The following RAPGEF4 variants were observed in gnomAD, a reference collection of about 807,000 sequenced individuals.
RAPGEF4 encodes the protein Rap guanine nucleotide exchange factor 4.
Under a neutral mutation model 147.9 loss-of-function variants are expected in RAPGEF4, and 66 were observed. The observed-to-expected ratio is 0.45, with a 90% CI of 0.37 to 0.55. RAPGEF4 has a LOEUF of 0.55. Among genes scored for constraint, RAPGEF4 ranks in the 20% least tolerant of loss-of-function variants. The pLI is 0.00. For missense variants in RAPGEF4, 1,071 were observed against 1,257.3 expected (o/e 0.85, Z 2.24); for synonymous variants, 419 against 442.7 (o/e 0.95, Z 0.67).
intron 4 of RAPGEF4, among the ~76,000 whole-genome samples, chr2:172,856,639 A>G (rs759077140): frequency 6.6e-6 from 1 of 152,192 alleles, no homozygotes; most frequent in Non-Finnish European, 1.5e-5. Context: ...AGCAGCAGAC[A>G]TCTCTGTTCA....
intron 6 of RAPGEF4, among the ~76,000 whole-genome samples, chr2:172,935,417 G>A (rs919889303): frequency 4.6e-5 from 7 of 152,152 alleles, no homozygotes; most frequent in African/African-American, 1.4e-4. Context: ...GGGATACACA[G>A]CTCTGTTGAT....
At chr2:173,011,697 C>T (rs576670732) in intron 17 of RAPGEF4, among the ~76,000 whole-genome samples, 5 of 152,130 alleles carry the variant, frequency 3.3e-5, no homozygotes, top group South Asian at 4.2e-4. Flanking sequence ...TCAAAGTAGT[C>T]GGTTAATTAA....
chr2:172,844,111 G>A (rs1257541540), intron 4 of RAPGEF4, among the ~76,000 whole-genome samples: 2 of 152,186 alleles, frequency 1.3e-5, no homozygotes, highest in Admixed American at 6.5e-5. Flanking sequence ...CTCCACATTA[G>A]GCTGTATTTT....
At chr2:172,897,724 G>A (rs1449065242) in intron 4 of RAPGEF4, among the ~76,000 whole-genome samples, 1 of 16,612 alleles carries the variant, frequency 6.0e-5, no homozygotes, top group African/African-American at 2.1e-4. Context: ...TTGAATGGGA[G>A]TTTTCATCTA....
At chr2:172,788,539 G>C (rs1030088726) in intron 1 of RAPGEF4, among the ~76,000 whole-genome samples, 1 of 152,110 alleles carries the variant, frequency 6.6e-6, no homozygotes, top group Non-Finnish European at 1.5e-5. Context: ...CATGTGGCAG[G>C]AGTCTAGGCA....
intron 4 of RAPGEF4, among the ~76,000 whole-genome samples, chr2:172,819,606 C>T (rs1688865200): frequency 6.7e-6 from 1 of 149,658 alleles, no homozygotes; most frequent in Admixed American, 6.6e-5. Flanking sequence ...GCTGGGACTA[C>T]AGGCGCCCGC....
chr2:173,011,647 T>G (rs372330560), intron 17 of RAPGEF4, among the ~76,000 whole-genome samples: 3 of 152,174 alleles, frequency 2.0e-5, no homozygotes, highest in East Asian at 3.9e-4. Flanking sequence ...TGAATAGGAC[T>G]GTGCCCATTG....
intron 23 of RAPGEF4, among the ~76,000 whole-genome samples, chr2:173,023,991 C>G (rs973571866): frequency 6.6e-6 from 1 of 152,188 alleles, no homozygotes; most frequent in Non-Finnish European, 1.5e-5. Flanking sequence ...TACCTAGGAC[C>G]TACCCTGGTT....
chr2:172,875,470 A>G (rs930863684), intron 4 of RAPGEF4, among the ~76,000 whole-genome samples: 6 of 152,162 alleles, frequency 3.9e-5, no homozygotes, highest in African/African-American at 1.4e-4. Context: ...ACATATGGCT[A>G]GCCAGTTTTC....
In RAPGEF4 at chr2:172,985,391, TG is replaced by T. The variant is rs771553806; in HGVS notation, c.1090-40del. ...AGTACAACCCTTTTCCACCCAGACCTGGAAATGTGGCCTTTGCATGTTTCTT... is the reference window on the plus strand; with the variant it reads ...AGTACAACCCTTTTCCACCCAGACCTGAAATGTGGCCTTTGCATGTTTCTT... On this transcript the variant is annotated intron_variant, in intron 11 of 30. Transcript: ENST00000397081. The T allele has an allele frequency of 4.2e-5, 68 of 1,613,638 alleles. 2 individuals carry two copies. The South Asian group carries it at 7.0e-4, about 17-fold the overall frequency.
At chr2:173,002,812 T>A (rs1253505907) in intron 17 of RAPGEF4, among the ~76,000 whole-genome samples, 1 of 152,162 alleles carries the variant, frequency 6.6e-6, no homozygotes, top group Non-Finnish European at 1.5e-5. Context: ...TGTGTGTTTA[T>A]TTGCCTGGAA....
At chr2:172,952,052 T>G (rs1302534904) in intron 6 of RAPGEF4, among the ~76,000 whole-genome samples, 1 of 152,206 alleles carries the variant, frequency 6.6e-6, no homozygotes, top group African/African-American at 2.4e-5. Flanking sequence ...TGAAAATTCC[T>G]GCCAGGCATG....
chr2:172,777,581 C>A (rs1356359831), intron 1 of RAPGEF4, among the ~76,000 whole-genome samples: 1 of 150,432 alleles, frequency 6.6e-6, no homozygotes, highest in Non-Finnish European at 1.5e-5. Flanking sequence ...CTTAAGAAGA[C>A]CCCCCCCATG....
At chr2:172,804,700 T>A (rs1687308632) in intron 3 of RAPGEF4, among the ~76,000 whole-genome samples, 1 of 152,152 alleles carries the variant, frequency 6.6e-6, no homozygotes, top group Non-Finnish European at 1.5e-5. Context: ...GCTCACAAGC[T>A]CCTCCAGTGT....
chr2:172,735,840 A>C, upstream of RAPGEF4: 4 of 522,166 alleles, frequency 7.7e-6, no homozygotes, highest in Non-Finnish European at 5.4e-6. Context: ...GCCCGCGGGG[A>C]GGGCGGGCCT....
At chr2:172,798,752 A>G (rs1178495104) in intron 3 of RAPGEF4, among the ~76,000 whole-genome samples, 1 of 152,090 alleles carries the variant, frequency 6.6e-6, no homozygotes, top group East Asian at 1.9e-4. Flanking sequence ...GGCAGTCACC[A>G]TCTTAAAAAT....
chr2:172,815,683 A>G (rs1212925833), intron 4 of RAPGEF4, among the ~76,000 whole-genome samples: 1 of 152,220 alleles, frequency 6.6e-6, no homozygotes, highest in Non-Finnish European at 1.5e-5. Flanking sequence ...TTTTCAGAAC[A>G]AAAATGATTT....
At chr2:172,879,282 G>T (rs1333440433) in intron 4 of RAPGEF4, among the ~76,000 whole-genome samples, 2 of 152,094 alleles carry the variant, frequency 1.3e-5, no homozygotes, top group African/African-American at 4.8e-5. Flanking sequence ...AAGACACACT[G>T]CTAATGCCCA....
At chr2:172,949,947 G>A (rs904275816) in intron 6 of RAPGEF4, among the ~76,000 whole-genome samples, 2 of 152,162 alleles carry the variant, frequency 1.3e-5, no homozygotes, top group African/African-American at 4.8e-5. Context: ...CCAAAGTTTT[G>A]AGAAATGGAA....
Sources: gnomAD v4.1 joint callset for allele counts (sites outside exome capture counted in the v4.1 genomes callset) on GRCh38, gnomAD v4.1.1 for gene constraint, MANE v1.5 for transcripts, NCBI Gene and HGNC (gene_info 2026-07-23, HGNC 2026-07-21) for gene names.